Variants in USH2A observed in about 807,000 individuals in gnomAD.
The protein encoded by USH2A is usherin.
In USH2A, 443 loss-of-function variants were observed where a neutral mutation model predicts 538.9. The ratio of observed to expected loss-of-function variants is 0.82; its 90% CI spans 0.76 to 0.89. The LOEUF (loss-of-function observed/expected upper bound fraction) is 0.89, where lower values mean the gene tolerates loss of function less well. Among genes scored for constraint, USH2A ranks in the 40% least tolerant of loss-of-function variants. The pLI, the probability that USH2A is intolerant of heterozygous loss-of-function variation, is 0.00. For missense variants in USH2A, 6,633 were observed against 6,324.8 expected (o/e 1.05, Z -1.65); for synonymous variants, 2,413 against 2,273.5 (o/e 1.06, Z -1.75).
intron 13 of USH2A, among the ~76,000 whole-genome samples, chr1:216,239,522 A>G (rs1231074506): frequency 6.6e-6 from 1 of 152,226 alleles, no homozygotes; most frequent in African/African-American, 2.4e-5. Context: ...GAGAGGAAGA[A>G]ATGATCTGAA....
chr1:215,819,152 T>G (rs1478614701), intron 47 of USH2A, among the ~76,000 whole-genome samples: 1 of 151,870 alleles, frequency 6.6e-6, no homozygotes, highest in Non-Finnish European at 1.5e-5. Context: ...AGCAAGCACA[T>G]AAGAACCTTG....
chr1:215,808,188 T>G (rs1193030602), intron 49 of USH2A, among the ~76,000 whole-genome samples: 1 of 152,162 alleles, frequency 6.6e-6, no homozygotes, highest in Non-Finnish European at 1.5e-5. Flanking sequence ...CATTTTTGCT[T>G]TCTTTTAAAG....
chr1:215,705,907 G>A (rs1659170315), intron 61 of USH2A, among the ~76,000 whole-genome samples: 1 of 152,194 alleles, frequency 6.6e-6, no homozygotes, highest in South Asian at 2.1e-4. Flanking sequence ...TGATGCTGCT[G>A]TTCTCAAAAT....
At chr1:215,932,091 G>C (rs1037931235) in intron 38 of USH2A, among the ~76,000 whole-genome samples, 6 of 151,968 alleles carry the variant, frequency 3.9e-5, no homozygotes, top group Non-Finnish European at 4.4e-5. Flanking sequence ...AAGAAGCATA[G>C]CTAAGGATAT....
intron 50 of USH2A, among the ~76,000 whole-genome samples, chr1:215,796,425 A>G (rs1662138762): frequency 1.3e-5 from 2 of 151,362 alleles, no homozygotes; most frequent in Admixed American, 1.3e-4. Flanking sequence ...ATATTTTTAT[A>G]TTTTTAATTT....
chr1:215,790,152 A>G lies in USH2A; in HGVS notation c.10089T>C (p.Leu3363=), dbSNP rs759139595. ...PVPVKCCETE[L]IPKSQKCCNG... ...TACAGCATTTCTGGCTCTTTGGAAT[A>G]AGTTCAGTCTCACAGCATTTTACTG... The change falls in exon 51 of 72, where the codon CTT becomes CTC. Residue 3363 remains leucine (L), a synonymous_variant. Transcript: ENST00000307340. The G allele has an allele frequency of 1.5e-5, 24 of 1,613,974 alleles. No homozygotes were observed. The highest frequency in any genetic ancestry group is 1.7e-4 in the Middle Eastern group (1 of 6,060).
intron 21 of USH2A, among the ~76,000 whole-genome samples, chr1:216,117,581 T>C (rs574709932): frequency 6.6e-6 from 1 of 152,124 alleles, no homozygotes; most frequent in Non-Finnish European, 1.5e-5. Flanking sequence ...GCATATTCAA[T>C]TCAATAGAAG....
At chr1:216,318,865 C>T in intron 9 of USH2A, among the ~76,000 whole-genome samples, 1 of 152,026 alleles carries the variant, frequency 6.6e-6, no homozygotes, top group East Asian at 1.9e-4. Flanking sequence ...CAATCATGAG[C>T]CTTCATTCAT....
intron 35 of USH2A, among the ~76,000 whole-genome samples, chr1:215,971,347 C>T (rs1375506879): frequency 1.3e-5 from 2 of 152,272 alleles, no homozygotes; most frequent in East Asian, 3.9e-4. Context: ...AAGGGCATCT[C>T]TTTATATGAC....
chr1:216,236,473 A>G (rs2035819286), intron 13 of USH2A, among the ~76,000 whole-genome samples: 1 of 152,196 alleles, frequency 6.6e-6, no homozygotes. Context: ...TAACACCAAC[A>G]TAGTCTCTGG....
chr1:216,159,336 G>A (rs189332200), intron 21 of USH2A, among the ~76,000 whole-genome samples: 3 of 152,088 alleles, frequency 2.0e-5, no homozygotes, highest in Admixed American at 6.5e-5. Context: ...AATTTATTAG[G>A]ATGTGTTCTT....
intron 20 of USH2A, among the ~76,000 whole-genome samples, chr1:216,187,401 A>G (rs2034630149): frequency 6.6e-6 from 1 of 151,954 alleles, no homozygotes; most frequent in South Asian, 2.1e-4. Flanking sequence ...TAATACATTT[A>G]TGGCACATTA....
chr1:215,786,211 A>G (rs1359623023), intron 52 of USH2A, among the ~76,000 whole-genome samples: 2 of 152,216 alleles, frequency 1.3e-5, no homozygotes, highest in African/African-American at 2.4e-5. Flanking sequence ...ATGACCAGCC[A>G]TCTTGGAGAA....
At chr1:216,227,731 G>T (rs2035590081) in intron 14 of USH2A, among the ~76,000 whole-genome samples, 1 of 152,196 alleles carries the variant, frequency 6.6e-6, no homozygotes, top group Non-Finnish European at 1.5e-5. Context: ...TTTTGTCTAT[G>T]AGCAGAGGGC....
At chr1:215,631,249 G>GTGTGTGTGTGTGTGTGTGTGTGTGT (rs1558030008) in intron 70 of USH2A, among the ~76,000 whole-genome samples, 1 of 144,588 alleles carries the variant, frequency 6.9e-6, no homozygotes, top group African/African-American at 2.8e-5. Flanking sequence ...TGTGTGTGTG[G>GTGTGTGTGTGTGTGTGTGTGTGTGT]GTGGGTGTTG....
chr1:216,392,481 G>T (rs1019731104), intron 3 of USH2A, among the ~76,000 whole-genome samples: 1 of 105,992 alleles, frequency 9.4e-6, no homozygotes, highest in African/African-American at 3.8e-5. Context: ...GACAGAGCAA[G>T]ACTCCGTCTC....
chr1:215,912,591 G>A (rs1216531624), intron 38 of USH2A, among the ~76,000 whole-genome samples: 1 of 150,778 alleles, frequency 6.6e-6, no homozygotes, highest in Middle Eastern at 3.2e-3. Context: ...TCACACAATG[G>A]AGAATGGGGT....
intron 3 of USH2A, among the ~76,000 whole-genome samples, chr1:216,382,535 A>C (rs1356970114): frequency 6.6e-6 from 1 of 152,176 alleles, no homozygotes; most frequent in Non-Finnish European, 1.5e-5. Context: ...GAAATCTTAA[A>C]ACTAAGAAAA....
At chr1:216,377,850 AGAAAGAAAGAAAGAAAGAAG>A (rs1410123135) in intron 3 of USH2A, among the ~76,000 whole-genome samples, 6 of 140,660 alleles carry the variant, frequency 4.3e-5, no homozygotes, top group African/African-American at 1.7e-4. Flanking sequence ...AAAGAAAGAA[AGAAAGAAAGAAAGAAAGAAG>A]GAAAGAAAGA....
Sources: gnomAD v4.1 joint callset for allele counts (sites outside exome capture counted in the v4.1 genomes callset) on GRCh38, gnomAD v4.1.1 for gene constraint, MANE v1.5 for transcripts, NCBI Gene and HGNC (gene_info 2026-07-23, HGNC 2026-07-21) for gene names.